Variants in ERAP1 observed in about 807,000 individuals in gnomAD.
The protein encoded by ERAP1 is adipocyte-derived leucine aminopeptidase.
In ERAP1, 86 loss-of-function variants were observed where a neutral mutation model predicts 103.7. That is an observed-to-expected ratio of 0.83 (90% CI 0.70 to 0.99). ERAP1 has a LOEUF of 0.99. Ranked by LOEUF, ERAP1 falls within the 50% of genes least tolerant of loss-of-function variation. ERAP1 has a pLI of 0.00. For synonymous variants in ERAP1, 398 were observed against 402.4 expected, an observed-to-expected ratio of 0.99 and a Z score of 0.13; for missense variants, 1,009 against 1,128.4, an observed-to-expected ratio of 0.89 and a Z score of 1.52.
rs1202447724 is a variant in ERAP1, at chr5:96,793,880, A to G, written c.997T>C (p.Leu333=). 3 of 1,614,076 alleles carry G rather than the reference A, an allele frequency of 1.9e-6. No individual in the cohort carries two copies. Among genetic ancestry groups the G allele is most frequent in the African/African-American group, 2.7e-5 (2 of 74,950 alleles). ...GCAGAAGACTTTTCTGCATCAAACA[A>G]CAGAGCAGATTCTCTATATGTTGTC... ...GLTTYRESAL[L]FDAEKSSASS... Residue 333 remains leucine, a synonymous_variant, in exon 6 of 19, where the codon TTG becomes CTG. Transcript: ENST00000443439.
the ERAP1 span, chr5:96,919,175 A>C: frequency 2.2e-4 from 34 of 152,358 alleles, no homozygotes; most frequent in African/African-American, 7.9e-4. Context: ...CAATATCATG[A>C]AGGTCAATTA....
chr5:96,819,479 CCA>C, the ERAP1 span, among the ~76,000 whole-genome samples: 3 of 152,060 alleles, frequency 2.0e-5, no homozygotes, highest in East Asian at 5.8e-4. Flanking sequence ...GCCTGTGGCT[CCA>C]GAGGGGTGTG....
At chr5:96,765,863 G>A (rs1769757725) in intron 19 of ERAP1, among the ~76,000 whole-genome samples, 1 of 152,014 alleles carries the variant, frequency 6.6e-6, no homozygotes, top group African/African-American at 2.4e-5. Flanking sequence ...GAAGCATACG[G>A]GATTTTATAT....
At chr5:96,843,091 A>AACAC in the ERAP1 span, among the ~76,000 whole-genome samples, 1 of 152,222 alleles carries the variant, frequency 6.6e-6, no homozygotes, top group Non-Finnish European at 1.5e-5. Context: ...AATTGGACAA[A>AACAC]ACACACAAAC....
At chr5:96,865,036 G>T in the ERAP1 span, among the ~76,000 whole-genome samples, 1 of 152,002 alleles carries the variant, frequency 6.6e-6, no homozygotes, top group Admixed American at 6.6e-5. Flanking sequence ...TTTAACTTTT[G>T]TATGCATTCT....
At chr5:96,780,387 T>C (rs1774979288) in intron 18 of ERAP1, 36 bp downstream of exon 18, 1 of 1,423,958 alleles carries the variant, frequency 7.0e-7, no homozygotes, top group African/African-American at 1.5e-5. Flanking sequence ...TTTTCATTTA[T>C]GTTTAAAAAT....
At chr5:96,875,040 A>G in the ERAP1 span, among the ~76,000 whole-genome samples, 1 of 152,216 alleles carries the variant, frequency 6.6e-6, no homozygotes. Context: ...GAAATCAAGG[A>G]AAGATCTTGA....
the ERAP1 span, chr5:96,912,857 C>G: frequency 7.1e-7 from 1 of 1,414,168 alleles, no homozygotes. Context: ...TCAGTGAAGT[C>G]ACTAAAACTT....
At chr5:96,788,166 C>G (rs1039528357) in intron 11 of ERAP1, among the ~76,000 whole-genome samples, 20 of 152,056 alleles carry the variant, frequency 1.3e-4, no homozygotes, top group African/African-American at 4.3e-4. Context: ...TCTCGGAAAT[C>G]ACCTAAATTC....
At chr5:96,908,021 T>C in the ERAP1 span, among the ~76,000 whole-genome samples, 1 of 152,210 alleles carries the variant, frequency 6.6e-6, no homozygotes, top group Non-Finnish European at 1.5e-5. Context: ...ATTGAGAAGA[T>C]TAAAGGGACA....
the ERAP1 span, among the ~76,000 whole-genome samples, chr5:96,927,280 G>A: frequency 6.6e-6 from 1 of 152,196 alleles, no homozygotes; most frequent in African/African-American, 2.4e-5. Context: ...AGCAGTGTAT[G>A]TGGCTTATAA....
the ERAP1 span, among the ~76,000 whole-genome samples, chr5:96,866,991 C>T: frequency 6.8e-6 from 1 of 147,698 alleles, no homozygotes; most frequent in East Asian, 2.0e-4. Flanking sequence ...TTCCCTTTTT[C>T]CCTGCTTTAC....
Position 96,774,971 on chromosome 5 carries a change from G to T in ERAP1, c.*1425C>A. 1 of 985,468 alleles carries T rather than the reference G, an allele frequency of 1.0e-6. No individual in the cohort carries two copies. The highest frequency in any genetic ancestry group is 1.7e-5 in the African/African-American group (1 of 57,324). The allele number at this position is 985,468 out of a possible 1,614,324, so 61.0% of individuals were successfully genotyped here. ...GAAGTTTTTGCCTTATATTCAAAAA[G>T]TTCAGTTTGAATTCTCCTTTGCCAG... On this transcript the variant is annotated 3_prime_UTR_variant, in exon 19 of 19. Coordinates refer to ENST00000443439, the MANE Select transcript of ERAP1 (RefSeq NM_001040458.3).
chr5:96,798,008 G>A (rs1581615947), intron 3 of ERAP1, among the ~76,000 whole-genome samples: 1 of 152,196 alleles, frequency 6.6e-6, no homozygotes, highest in South Asian at 2.1e-4. Flanking sequence ...GTACCTAAAA[G>A]AGCTTCTGTT....
In ERAP1 at chr5:96,797,251, T is replaced by A; in HGVS notation, c.722A>T (p.Lys241Met). ...GAAGGCCACCAGATAGGTGCTCATC[T>A]TCACAGTGACATCAAAATGGTCTTC... ...LIEDHFDVTV[K>M]MSTYLVAFII... The change falls in exon 4 of 19, where the codon AAG becomes ATG. Residue 241 changes from lysine to methionine, a missense_variant. Lys to Met is a moderately conservative substitution (Grantham distance 95). This residue lies in a region of ERAP1 where 392 missense variants were observed against 455.2 expected (regional missense o/e 0.86). Transcript: ENST00000443439. 1 of 1,614,198 alleles carries A rather than the reference T, an allele frequency of 6.2e-7. No homozygotes were observed. The highest frequency in any genetic ancestry group is 8.5e-7 in the Non-Finnish European group (1 of 1,180,006).
At chr5:96,835,636 A>C in the ERAP1 span, among the ~76,000 whole-genome samples, 1 of 152,222 alleles carries the variant, frequency 6.6e-6, no homozygotes, top group Non-Finnish European at 1.5e-5. Flanking sequence ...CTAAGTTTAC[A>C]GTGTGTTTTC....
chr5:96,791,188 T>C (rs1422685136), intron 8 of ERAP1, among the ~76,000 whole-genome samples: 1 of 152,174 alleles, frequency 6.6e-6, no homozygotes, highest in Non-Finnish European at 1.5e-5. Flanking sequence ...CCAGACACCC[T>C]GTATTCCTTG....
the ERAP1 span, among the ~76,000 whole-genome samples, chr5:96,898,066 C>T: frequency 2.6e-5 from 4 of 152,208 alleles, no homozygotes; most frequent in Admixed American, 1.3e-4. Context: ...CATGGTGGTG[C>T]TTGCCTGTAA....
At chr5:96,916,245 AAC>A in the ERAP1 span, among the ~76,000 whole-genome samples, 227 of 117,426 alleles carry the variant, frequency 1.9e-3, no homozygotes, top group African/African-American at 6.1e-3. Context: ...CAAAAACAAA[AAC>A]AAAAAACAAC....
Sources: gnomAD v4.1 joint callset for allele counts (sites outside exome capture counted in the v4.1 genomes callset) on GRCh38, gnomAD v4.1.1 for gene constraint, gnomAD v4.1.1 regional missense constraint, MANE v1.5 for transcripts, NCBI Gene and HGNC (gene_info 2026-07-23, HGNC 2026-07-21) for gene names.